Variants in DOCK2 observed in about 807,000 individuals in gnomAD.
DOCK2 encodes dedicator of cytokinesis 2, also known as dedicator of cytokinesis protein 2.
A neutral mutation model predicts 248.9 loss-of-function variants in DOCK2; 87 were observed. The observed-to-expected ratio is 0.35, with a 90% CI of 0.29 to 0.42. The LOEUF is 0.42. Ranked by LOEUF, DOCK2 falls within the 10% of genes least tolerant of loss-of-function variation. DOCK2 has a pLI of 1.00. For missense variants in DOCK2, 1,747 were observed against 2,300.2 expected, an observed-to-expected ratio of 0.76 and a Z score of 4.92; for synonymous variants, 805 against 821.6, an observed-to-expected ratio of 0.98 and a Z score of 0.35.
At chr5:169,821,083 GAAAC>G (rs962193067) in intron 26 of DOCK2, among the ~76,000 whole-genome samples, 3 of 152,176 alleles carry the variant, frequency 2.0e-5, no homozygotes, top group African/African-American at 7.2e-5. Flanking sequence ...AGAATAAAAA[GAAAC>G]AAACAAACCT....
intron 36 of DOCK2, among the ~76,000 whole-genome samples, chr5:170,038,665 G>T (rs1225213665): frequency 6.6e-6 from 1 of 152,084 alleles, no homozygotes; most frequent in Non-Finnish European, 1.5e-5. Context: ...CGTCCACCTC[G>T]CTCAAGCACC....
chr5:169,701,612 T>A (rs1760973636), intron 13 of DOCK2, among the ~76,000 whole-genome samples: 1 of 152,082 alleles, frequency 6.6e-6, no homozygotes, highest in South Asian at 2.1e-4. Flanking sequence ...CCTCCCAGGC[T>A]CAAGCAATCC....
chr5:170,053,637 T>C (rs1298192841), intron 41 of DOCK2, among the ~76,000 whole-genome samples: 2 of 152,212 alleles, frequency 1.3e-5, no homozygotes, highest in African/African-American at 2.4e-5. Flanking sequence ...GCCACATGGC[T>C]TGAGAAAGAA....
chr5:170,038,710 G>A (rs1009123791), intron 36 of DOCK2, among the ~76,000 whole-genome samples: 2 of 152,134 alleles, frequency 1.3e-5, no homozygotes, highest in African/African-American at 4.8e-5. Context: ...GGTATCCCTG[G>A]TTGAGGGACG....
intron 27 of DOCK2, among the ~76,000 whole-genome samples, chr5:169,939,158 C>G (rs1252068069): frequency 6.6e-6 from 1 of 151,830 alleles, no homozygotes; most frequent in East Asian, 1.9e-4. Flanking sequence ...CCCACCTCAG[C>G]CTCCCAAAGT....
Position 169,894,056 on chromosome 5 carries a change from G to A in DOCK2, c.2799+53204G>A, listed in dbSNP as rs373154159. Among the ~76,000 whole-genome samples the A allele has an allele frequency of 1.7e-3, 258 of 152,250 alleles. 1 individual carries two copies. Among genetic ancestry groups the A allele is most frequent in the African/African-American group, 5.3e-3 (220 of 41,548 alleles). On this transcript the variant is annotated intron_variant, in intron 27 of 51. Transcript: ENST00000520908. ...CATTTGGCTGATTAAAATACTAGTC[G>A]TTGTACTAAAAACGACAGACTCCAG...
intron 22 of DOCK2, among the ~76,000 whole-genome samples, chr5:169,731,577 A>G (rs1271465933): frequency 6.6e-6 from 1 of 152,194 alleles, no homozygotes; most frequent in Admixed American, 6.5e-5. Flanking sequence ...ACGGACTAAT[A>G]CAGACCCTTA....
intron 27 of DOCK2, among the ~76,000 whole-genome samples, chr5:169,921,389 A>G (rs775702669): frequency 7.9e-4 from 121 of 152,210 alleles, no homozygotes; most frequent in Admixed American, 3.2e-3. Context: ...TCTTCCAGAA[A>G]AATCGATGAG....
At chr5:169,803,827 G>A (rs541993596) in intron 26 of DOCK2, among the ~76,000 whole-genome samples, 2 of 152,282 alleles carry the variant, frequency 1.3e-5, no homozygotes, top group East Asian at 3.9e-4. Context: ...GGCTGAATCT[G>A]CAGAAGATAA....
intron 22 of DOCK2, among the ~76,000 whole-genome samples, chr5:169,719,516 A>G (rs1211798552): frequency 6.6e-6 from 1 of 152,268 alleles, no homozygotes; most frequent in Admixed American, 6.5e-5. Context: ...AAACTGACTT[A>G]GGGAGAAATG....
chr5:169,958,413 C>T (rs1328815885), intron 27 of DOCK2, among the ~76,000 whole-genome samples: 27 of 152,134 alleles, frequency 1.8e-4, no homozygotes, highest in Admixed American at 1.7e-3. Flanking sequence ...CAAACTCCAT[C>T]ATCCGAATAA....
intron 23 of DOCK2, among the ~76,000 whole-genome samples, chr5:169,755,757 A>T (rs544018623): frequency 9.2e-5 from 14 of 152,314 alleles, no homozygotes; most frequent in Admixed American, 7.2e-4. Context: ...ATAAATAAAT[A>T]AATTAAAAAC....
At chr5:169,920,742 T>C (rs1399718955) in intron 27 of DOCK2, among the ~76,000 whole-genome samples, 10 of 152,194 alleles carry the variant, frequency 6.6e-5, no homozygotes, top group Non-Finnish European at 1.5e-4. Flanking sequence ...ATTTAATTTA[T>C]AGCTGGAACT....
intron 27 of DOCK2, among the ~76,000 whole-genome samples, chr5:169,961,698 C>A (rs1777091333): frequency 6.6e-6 from 1 of 152,068 alleles, no homozygotes; most frequent in African/African-American, 2.4e-5. Flanking sequence ...AGAAGCCAGG[C>A]CGGGTGCAGT....
intron 1 of DOCK2, among the ~76,000 whole-genome samples, chr5:169,651,508 A>G (rs1270173656): frequency 1.3e-5 from 2 of 152,140 alleles, no homozygotes; most frequent in Non-Finnish European, 2.9e-5. Context: ...CCACCTCCAC[A>G]TATCTGATGG....
intron 27 of DOCK2, among the ~76,000 whole-genome samples, chr5:169,927,709 C>T (rs1013971678): frequency 2.6e-5 from 4 of 152,208 alleles, no homozygotes; most frequent in Non-Finnish European, 4.4e-5. Flanking sequence ...CTCCGCTTCC[C>T]GAGTTCATGC....
At chr5:169,701,671 C>T (rs1327342493) in intron 13 of DOCK2, among the ~76,000 whole-genome samples, 1 of 152,122 alleles carries the variant, frequency 6.6e-6, no homozygotes, top group Non-Finnish European at 1.5e-5. Context: ...TGTGCCACCA[C>T]ACTCGGCTAA....
rs1357419964 is a variant in DOCK2 at position 169,714,026 on chromosome 5, A to G, written c.1660-2A>G. ...GGGGCAGTAACCAAGTGTTGTTTCC[A>G]GGGGGACAGCAAGAAGATGGAGGAT... On this transcript the variant is annotated splice_acceptor_variant, in intron 17 of 51. Transcript: ENST00000520908. LOFTEE classifies it high-confidence loss of function. 1 of 1,590,770 alleles carries G rather than the reference A, an allele frequency of 6.3e-7. No homozygotes were observed. The highest frequency in any genetic ancestry group is 8.6e-7 in the Non-Finnish European group (1 of 1,165,276).
At chr5:169,749,628 G>A (rs1407506549) in intron 23 of DOCK2, among the ~76,000 whole-genome samples, 1 of 152,192 alleles carries the variant, frequency 6.6e-6, no homozygotes, top group Non-Finnish European at 1.5e-5. Context: ...TTGCTGAGAA[G>A]TGGGATGGCT....
Sources: allele counts gnomAD v4.1 joint callset (sites outside exome capture counted in the v4.1 genomes callset), GRCh38; gene constraint gnomAD v4.1.1; transcripts MANE v1.5; gene names NCBI Gene and HGNC (gene_info 2026-07-23, HGNC 2026-07-21).